CEP97: variants seen among roughly 807,000 people sequenced by gnomAD.
CEP97 encodes the protein centrosomal protein 97, also known as centrosomal protein of 97 kDa.
CEP97 carries 43 observed loss-of-function variants against 73.1 expected under a neutral mutation model. The ratio of observed to expected loss-of-function variants is 0.59; its 90% CI spans 0.46 to 0.76. The LOEUF (loss-of-function observed/expected upper bound fraction) is 0.76, where lower values mean the gene tolerates loss of function less well. CEP97 is among the 30% of genes least tolerant of loss of function. The pLI is 0.00. For synonymous variants in CEP97, 337 were observed against 370.0 expected (o/e 0.91, Z 1.02); for missense variants, 939 against 1,014.0 (o/e 0.93, Z 1.00).
intron 3 of CEP97, among the ~76,000 whole-genome samples, chr3:101,728,239 A>T (rs2107127635): frequency 6.6e-6 from 1 of 150,406 alleles, no homozygotes; most frequent in African/African-American, 2.4e-5. Flanking sequence ...CAACTGTCAT[A>T]TATTATTACT....
intron 4 of CEP97, among the ~76,000 whole-genome samples, chr3:101,731,462 A>G (rs1938108675): frequency 6.6e-6 from 1 of 152,126 alleles, no homozygotes; most frequent in Non-Finnish European, 1.5e-5. Flanking sequence ...TGGCCTCCCA[A>G]AATGCTGGGA....
chr3:101,729,149 G>C (rs1344157498), intron 4 of CEP97, among the ~76,000 whole-genome samples: 1 of 152,078 alleles, frequency 6.6e-6, no homozygotes, highest in Admixed American at 6.6e-5. Flanking sequence ...TTCAAGACTA[G>C]CCTGGGCAAC....
At chr3:101,743,794 G>A (rs1217926357) in intron 6 of CEP97, among the ~76,000 whole-genome samples, 1 of 152,090 alleles carries the variant, frequency 6.6e-6, no homozygotes, top group Non-Finnish European at 1.5e-5. Context: ...ACTGAGGTCG[G>A]GAGTTTGAGA....
At chr3:101,724,884 C>T (rs1227662292) in intron 1 of CEP97, among the ~76,000 whole-genome samples, 165 bp downstream of exon 1, 2 of 152,244 alleles carry the variant, frequency 1.3e-5, no homozygotes, top group Non-Finnish European at 2.9e-5. Flanking sequence ...TGTAGTTCAC[C>T]TGCCGTTCCC....
At chr3:101,759,359 T>C (rs1287125597) in intron 9 of CEP97, 1 of 152,206 alleles carries the variant, frequency 6.6e-6, no homozygotes, top group African/African-American at 2.4e-5. Context: ...CAATGATGTA[T>C]GATAACACAT....
At chr3:101,733,527 T>A (rs922777728) in intron 6 of CEP97, among the ~76,000 whole-genome samples, 2 of 151,892 alleles carry the variant, frequency 1.3e-5, no homozygotes, top group African/African-American at 2.4e-5. Flanking sequence ...TTTTTTTATT[T>A]TTTTATTTTT....
intron 6 of CEP97, among the ~76,000 whole-genome samples, chr3:101,753,761 G>A (rs969010485): frequency 9.9e-5 from 15 of 152,210 alleles, no homozygotes; most frequent in East Asian, 1.9e-4. Context: ...TTGGAAAAGC[G>A]CAGTATTAGG....
intron 4 of CEP97, among the ~76,000 whole-genome samples, chr3:101,731,478 G>A (rs757229361): frequency 2.3e-4 from 35 of 152,116 alleles, no homozygotes; most frequent in Non-Finnish European, 4.9e-4. Context: ...TGGGATTACA[G>A]GCATGAGCCA....
intron 6 of CEP97, among the ~76,000 whole-genome samples, chr3:101,744,597 A>C (rs116490592): frequency 0.061 from 9,320 of 151,712 alleles, 410 homozygotes; most frequent in Non-Finnish European, 0.095. Context: ...AAAAAAAAAA[A>C]AAAGGATAGA....
intron 9 of CEP97, among the ~76,000 whole-genome samples, chr3:101,760,053 G>T (rs1304016686): frequency 2.9e-5 from 4 of 138,162 alleles, no homozygotes; most frequent in Non-Finnish European, 6.2e-5. Flanking sequence ...AAAAGAGGAA[G>T]AGCAGGATTG....
At chr3:101,747,698 ATT>A (rs11445807) in intron 6 of CEP97, among the ~76,000 whole-genome samples, 2 of 143,090 alleles carry the variant, frequency 1.4e-5, no homozygotes, top group South Asian at 2.2e-4. Flanking sequence ...CTGGTATTAC[ATT>A]TTTTTTTTTT....
At position 101,755,476 on chromosome 3, in the gene CEP97, C is replaced by T. The variant is rs779653506; in HGVS notation, c.775C>T (p.Arg259Trp). 7.4e-6 allele frequency: 12 copies of T among 1,613,934 alleles called. No homozygotes were observed. The highest frequency in any genetic ancestry group is 1.7e-5 in the Admixed American group (1 of 59,980). The change falls in exon 7 of 11, where the codon CGG (arginine) becomes TGG (tryptophan). Residue 259 changes from arginine to tryptophan, a missense_variant. Transcript: ENST00000341893. ...TAGTCAAGGCAAGGGGAGAGCATAT[C>T]GGCCTGGCCAGCACATCCAGCTTGT... Reference protein sequence around the residue: ...LYSQGKGRAYRPGQHIQLVQY... With the variant: ...LYSQGKGRAYWPGQHIQLVQY...
intron 5 of CEP97, 112 bp from the exon 6 acceptor site, chr3:101,732,376 C>A (rs557823952): frequency 1.3e-4 from 98 of 729,746 alleles, no homozygotes; most frequent in Non-Finnish European, 2.1e-4. Flanking sequence ...CTTTTCAGAA[C>A]AAGAGGGAAA....
At position 101,764,877 on chromosome 3, in the gene CEP97, G is replaced by A; in HGVS notation, c.1924G>A (p.Val642Met). Residue 642 changes from valine (V) to methionine (M), a missense_variant, in exon 11 of 11, where the codon GTG (valine) becomes ATG (methionine). Transcript: ENST00000341893. ...GTCTCTACAGGTTTGGCAACAGACAGTGGACCAGCGTCTAAGTTCCTGGCA... is the reference window on the plus strand; with the variant it reads ...GTCTCTACAGGTTTGGCAACAGACAATGGACCAGCGTCTAAGTTCCTGGCA... ...VRSLQVWQQT[V>M]DQRLSSWHTD... is the part of the protein sequence containing the mutation. 9 of 1,612,736 alleles carry A rather than the reference G, an allele frequency of 5.6e-6. No homozygotes were observed. The South Asian group carries it at 8.8e-5, about 16-fold the overall frequency.
chr3:101,754,042 CTTTTTT>C (rs35323976), intron 6 of CEP97, among the ~76,000 whole-genome samples: 1 of 75,470 alleles, frequency 1.3e-5, no homozygotes, highest in South Asian at 6.4e-4. Context: ...ATTTGGCCAT[CTTTTTT>C]TTTTTTTTTT....
intron 6 of CEP97, 131 bp from the exon 7 acceptor site, chr3:101,755,299 A>G: frequency 1.3e-6 from 1 of 767,096 alleles, no homozygotes; most frequent in African/African-American, 1.7e-5. Context: ...AAAAAAATTG[A>G]GTGAATTTTA....
chr3:101,741,297 C>G (rs1245070688), intron 6 of CEP97, among the ~76,000 whole-genome samples: 2 of 152,238 alleles, frequency 1.3e-5, no homozygotes, highest in East Asian at 3.9e-4. Flanking sequence ...AATGTAAGAC[C>G]TAAAACTGTA....
intron 6 of CEP97, among the ~76,000 whole-genome samples, chr3:101,751,565 A>T (rs1238670700): frequency 1.3e-5 from 2 of 152,142 alleles, no homozygotes; most frequent in Admixed American, 6.5e-5. Context: ...TTTGTAGGTC[A>T]CTAAAGACTT....
At position 101,765,502 on chromosome 3, in the gene CEP97, C is replaced by T. The variant is rs1389275067; in HGVS notation, c.2549C>T (p.Pro850Leu). The change falls in exon 11 of 11, where the codon CCA becomes CTA. Residue 850 changes from proline to leucine, a missense_variant. Pro to Leu is a moderately conservative substitution (Grantham distance 98). Transcript: ENST00000341893. ...KLNAEVQGQQ[P>L]ECDSTFQLLH... ...AATGCAGAAGTTCAGGGGCAGCAGCCAGAATGTGATTCTACATTTCAGCTA... is the reference window on the plus strand; with the variant it reads ...AATGCAGAAGTTCAGGGGCAGCAGCTAGAATGTGATTCTACATTTCAGCTA... 1.2e-6 allele frequency: 2 copies of T among 1,613,912 alleles called. No homozygotes were observed. Among genetic ancestry groups the T allele is most frequent in the Non-Finnish European group, 8.5e-7 (1 of 1,179,870 alleles).
Sources: gnomAD v4.1 joint callset for allele counts (sites outside exome capture counted in the v4.1 genomes callset) on GRCh38, gnomAD v4.1.1 for gene constraint, MANE v1.5 for transcripts, NCBI Gene and HGNC (gene_info 2026-07-23, HGNC 2026-07-21) for gene names.